Variants in PCDH11X observed in about 807,000 individuals in gnomAD.
The protein encoded by PCDH11X is protocadherin-11 X-linked.
A neutral mutation model predicts 53.3 loss-of-function variants in PCDH11X; 18 were observed. The ratio of observed to expected loss-of-function variants is 0.34; its 90% CI spans 0.23 to 0.50. The LOEUF is 0.50. PCDH11X is among the 20% of genes least tolerant of loss of function. The pLI, the probability that PCDH11X is intolerant of heterozygous loss-of-function variation, is 0.98. For missense variants in PCDH11X, 570 were observed against 1,032.4 expected, an observed-to-expected ratio of 0.55 and a Z score of 6.14; for synonymous variants, 279 against 393.3, an observed-to-expected ratio of 0.71 and a Z score of 3.44.
chrX:91,859,254 C>T (rs1326973370), intron 5 of PCDH11X, among the ~76,000 whole-genome samples: 16 of 109,884 alleles, frequency 1.5e-4, no homozygotes, highest in Admixed American at 1.9e-4. Context: ...GTTTTCTGGT[C>T]GCATGTATAT....
chrX:92,370,738 G>A (rs775314429), intron 8 of PCDH11X, among the ~76,000 whole-genome samples: 12 of 111,687 alleles, frequency 1.1e-4, no homozygotes, highest in African/African-American at 3.9e-4. Context: ...GATTACAGGC[G>A]TGAGCCACTG....
intron 10 of PCDH11X, among the ~76,000 whole-genome samples, chrX:92,563,316 TACTC>T (rs2148764831): frequency 9.2e-6 from 1 of 108,864 alleles, no homozygotes; most frequent in South Asian, 4.0e-4. Flanking sequence ...ATCTCAGAAA[TACTC>T]ACTCTCTATC....
chrX:92,491,524 G>T (rs1488920305), intron 10 of PCDH11X, among the ~76,000 whole-genome samples: 2 of 110,546 alleles, frequency 1.8e-5, no homozygotes, highest in African/African-American at 6.6e-5. Flanking sequence ...GATCACTACA[G>T]TCAGACAAAA....
intron 5 of PCDH11X, among the ~76,000 whole-genome samples, chrX:91,845,687 T>G (rs1569409458): frequency 1.8e-5 from 2 of 111,497 alleles, no homozygotes; most frequent in Admixed American, 9.6e-5. Context: ...GCTTTTAAGA[T>G]TCTAAACATT....
intron 9 of PCDH11X, among the ~76,000 whole-genome samples, chrX:92,453,836 A>G (rs941168903): frequency 3.6e-5 from 4 of 110,939 alleles, no homozygotes; most frequent in African/African-American, 1.3e-4. Context: ...GACTCTTGCT[A>G]TATTAATAAT....
In PCDH11X at chrX:92,274,211, C is replaced by T. The variant is rs981926992; in HGVS notation, c.3144+11068C>T. Among the ~76,000 whole-genome samples, 120 of 109,194 alleles carry T rather than the reference C, an allele frequency of 1.1e-3. 1 individual carries two copies. The highest frequency in any genetic ancestry group is 3.9e-3 in the African/African-American group (115 of 29,510). 94.8% of individuals were successfully genotyped at this position (109,194 alleles called of 115,157 possible). On this transcript the variant is annotated intron_variant, in intron 8 of 10. Coordinates refer to ENST00000682573, the MANE Select transcript of PCDH11X (RefSeq NM_032968.5). ...GAGGACAGGCCTGAATTCTGAGAAGCGAAAGTGGTAAAAGTATTGTCCAGT... is the reference window on the plus strand; with the variant it reads ...GAGGACAGGCCTGAATTCTGAGAAGTGAAAGTGGTAAAAGTATTGTCCAGT...
chrX:91,826,315 T>A (rs1936924509), intron 4 of PCDH11X, among the ~76,000 whole-genome samples: 1 of 111,499 alleles, frequency 9.0e-6, no homozygotes, highest in South Asian at 3.8e-4. Flanking sequence ...TTTTCTCTTA[T>A]AGATGCTATT....
chrX:92,110,817 G>T (rs2064487181), intron 6 of PCDH11X, among the ~76,000 whole-genome samples: 1 of 110,956 alleles, frequency 9.0e-6, no homozygotes, highest in Admixed American at 9.7e-5. Flanking sequence ...TCAGTTCCCA[G>T]CTTGACTTTT....
intron 6 of PCDH11X, among the ~76,000 whole-genome samples, chrX:91,914,411 A>C (rs1941485700): frequency 1.8e-5 from 2 of 111,535 alleles, no homozygotes; most frequent in African/African-American, 6.5e-5. Flanking sequence ...AAATCTCTGA[A>C]TTGCCAGATA....
At chrX:92,446,159 A>C (rs1328774066) in intron 9 of PCDH11X, among the ~76,000 whole-genome samples, 1 of 110,142 alleles carries the variant, frequency 9.1e-6, no homozygotes, top group Admixed American at 9.8e-5. Flanking sequence ...GAATTAAAAA[A>C]AAAAAAAAAA....
In PCDH11X at chrX:91,878,874, T is replaced by C. The variant is rs753046610; in HGVS notation, c.2634T>C (p.Pro878=). ...AGAAAAAGAAGAAGAAGCATTCCCC[T>C]AAGAACTTGCTGCTTAATTTTGTCA... ...KKKKKKKKHS[P]KNLLLNFVTI... Residue 878 remains proline (P), a synonymous_variant, in exon 6 of 11, where the codon CCT becomes CCC. Transcript: ENST00000682573. 15 of 1,209,850 alleles carry C rather than the reference T, an allele frequency of 1.2e-5. No individual in the cohort carries two copies. In the East Asian group the frequency reaches 4.4e-4, roughly 36 times the overall value.
intron 6 of PCDH11X, among the ~76,000 whole-genome samples, chrX:92,007,261 A>G (rs188829107): frequency 9.0e-6 from 1 of 111,337 alleles, no homozygotes; most frequent in East Asian, 2.9e-4. Flanking sequence ...ACTAGCATCA[A>G]AAACCTTAGA....
intron 6 of PCDH11X, among the ~76,000 whole-genome samples, chrX:91,900,377 C>A (rs1262919581): frequency 9.0e-6 from 1 of 110,907 alleles, no homozygotes; most frequent in African/African-American, 3.3e-5. Context: ...AGCAAAAATT[C>A]TTCTAGTAGG....
chrX:92,170,758 T>A (rs2065810292), intron 6 of PCDH11X, among the ~76,000 whole-genome samples: 1 of 105,857 alleles, frequency 9.4e-6, no homozygotes, highest in African/African-American at 3.4e-5. Flanking sequence ...CCAACGAGCC[T>A]AGCTAATTTG....
At chrX:92,072,051 G>A (rs1449955386) in intron 6 of PCDH11X, among the ~76,000 whole-genome samples, 4 of 110,786 alleles carry the variant, frequency 3.6e-5, no homozygotes, top group Admixed American at 1.9e-4. Flanking sequence ...ACAGGCAGAG[G>A]AGCCTCTCCC....
Position 92,424,238 on chromosome X carries a change from G to A in PCDH11X, c.3343+36305G>A, listed in dbSNP as rs1418891626. Among the ~76,000 whole-genome samples, 2 of 81,044 alleles carry A rather than the reference G, an allele frequency of 2.5e-5. 1 individual carries two copies. The highest frequency in any genetic ancestry group is 5.4e-5 in the Non-Finnish European group (2 of 37,033). The allele number at this position is 81,044 out of a possible 115,157, so 70.4% of individuals were successfully genotyped here. A position where few individuals can be genotyped will look rare whatever the true frequency, so the allele number is the denominator to read the frequency against. On this transcript the variant is annotated intron_variant, in intron 9 of 10. Transcript: ENST00000682573. ...CTCATATTTTCCTGAGTGTTTTTAT[G>A]TTAAATGTTATATAGTATAGCCTCT...
chrX:92,548,737 A>C (rs2074902898), intron 10 of PCDH11X, among the ~76,000 whole-genome samples: 1 of 110,365 alleles, frequency 9.1e-6, no homozygotes, highest in Non-Finnish European at 1.9e-5. Context: ...AATTCTACTT[A>C]AAATGTTTGC....
At chrX:92,319,155 T>A (rs750129907) in intron 8 of PCDH11X, among the ~76,000 whole-genome samples, 1 of 111,907 alleles carries the variant, frequency 8.9e-6, no homozygotes, top group Admixed American at 9.5e-5. Context: ...ATATCTTAGA[T>A]AACCACCTGG....
At chrX:92,467,051 A>G (rs969470403) in intron 9 of PCDH11X, among the ~76,000 whole-genome samples, 1 of 111,245 alleles carries the variant, frequency 9.0e-6, no homozygotes, top group Non-Finnish European at 1.9e-5. Flanking sequence ...TCATTGAAGT[A>G]GAATCCTCAT....
Sources: allele counts gnomAD v4.1 joint callset (sites outside exome capture counted in the v4.1 genomes callset), GRCh38; gene constraint gnomAD v4.1.1; transcripts MANE v1.5; gene names NCBI Gene and HGNC (gene_info 2026-07-23, HGNC 2026-07-21).